The following SHROOM4 variants were observed in gnomAD, a reference collection of about 807,000 sequenced individuals.
SHROOM4 encodes the protein shroom family member 4, also known as protein Shroom4.
SHROOM4 carries 17 observed loss-of-function variants against 80.3 expected under a neutral mutation model. The observed-to-expected ratio is 0.21, with a 90% CI of 0.14 to 0.32. The LOEUF (loss-of-function observed/expected upper bound fraction) is 0.32, where lower values mean the gene tolerates loss of function less well. SHROOM4 is among the 10% of genes least tolerant of loss of function. The pLI, the probability that SHROOM4 is intolerant of heterozygous loss-of-function variation, is 1.00. For missense variants in SHROOM4, 993 were observed against 1,140.3 expected (o/e 0.87, Z 1.86); for synonymous variants, 400 against 437.5 (o/e 0.91, Z 1.07).
chrX:50,783,261 A>G (rs1935666143), intron 1 of SHROOM4, among the ~76,000 whole-genome samples: 1 of 112,004 alleles, frequency 8.9e-6, no homozygotes, highest in African/African-American at 3.2e-5. Flanking sequence ...TAAATCAAAC[A>G]TATTTCTACA....
intron 5 of SHROOM4, 32 bp from the exon 6 acceptor site, chrX:50,608,216 C>T (rs986946241): frequency 8.4e-7 from 1 of 1,194,445 alleles, no homozygotes; most frequent in Non-Finnish European, 1.1e-6. Flanking sequence ...CTGAGAAAAA[C>T]AAGCAAGTTG....
the SHROOM4 span, among the ~76,000 whole-genome samples, chrX:50,581,706 G>T: frequency 5.4e-5 from 6 of 111,884 alleles, no homozygotes; most frequent in East Asian, 1.4e-3. Context: ...AAGTTATTTA[G>T]ATAAACTCCT....
chrX:50,590,067 T>G lies in SHROOM4; in HGVS notation c.*6628A>C, dbSNP rs1432354645. Among the ~76,000 whole-genome samples the G allele has an allele frequency of 9.0e-6, 1 of 111,704 alleles. No individual in the cohort carries two copies. The highest frequency in any genetic ancestry group is 1.9e-5 in the Non-Finnish European group (1 of 53,157). On this transcript the variant is annotated 3_prime_UTR_variant, in exon 9 of 9. Coordinates refer to ENST00000376020, the MANE Select transcript of SHROOM4 (RefSeq NM_020717.5). ...TCTTTCCCTGTGCTTGCTAGCCAGT[T>G]GCATATTGCTATAAGCTGAATGTTT...
rs1319990349 is a variant in SHROOM4 at position 50,590,540 on chromosome X, G to A, written c.*6155C>T. 2.7e-5 allele frequency among the ~76,000 whole-genome samples: 3 copies of A among 110,912 alleles called. No homozygotes were observed. The highest frequency in any genetic ancestry group is 3.8e-5 in the Non-Finnish European group (2 of 52,908). ...GCTGGGATTACAGGCGTGAGCCACC[G>A]CGCCTGGCCGAGACCAGATCCCTTT... On this transcript the variant is annotated 3_prime_UTR_variant, in exon 9 of 9. Coordinates refer to ENST00000376020, the MANE Select transcript of SHROOM4 (RefSeq NM_020717.5).
intron 1 of SHROOM4, among the ~76,000 whole-genome samples, chrX:50,764,703 G>A (rs979720289): frequency 2.7e-5 from 3 of 111,896 alleles, no homozygotes; most frequent in African/African-American, 9.8e-5. Flanking sequence ...TCAATGGGGA[G>A]AGAATATGTT....
At chrX:50,805,177 T>G (rs1257451635) in intron 1 of SHROOM4, among the ~76,000 whole-genome samples, 2 of 111,602 alleles carry the variant, frequency 1.8e-5, no homozygotes, top group African/African-American at 6.5e-5. Context: ...TAAGTAAAGA[T>G]GGGGCTACAG....
chrX:50,806,673 A>G (rs1936233814), intron 1 of SHROOM4, among the ~76,000 whole-genome samples: 1 of 112,460 alleles, frequency 8.9e-6, no homozygotes, highest in African/African-American at 3.2e-5. Flanking sequence ...TGATCTTGAT[A>G]CCGACATAAC....
At chrX:50,651,771 C>T (rs1297660453) in intron 2 of SHROOM4, among the ~76,000 whole-genome samples, 1 of 107,976 alleles carries the variant, frequency 9.3e-6, no homozygotes, top group Non-Finnish European at 1.9e-5. Context: ...TGTGACATTC[C>T]CCTCCCAGTG....
At chrX:50,576,419 A>C in the SHROOM4 span, among the ~76,000 whole-genome samples, 1 of 111,574 alleles carries the variant, frequency 9.0e-6, no homozygotes, top group African/African-American at 3.3e-5. Flanking sequence ...GTCCCTAGCC[A>C]GTCCATCTTC....
chrX:50,723,716 C>T (rs1285136584), intron 1 of SHROOM4, among the ~76,000 whole-genome samples: 1 of 110,783 alleles, frequency 9.0e-6, no homozygotes, highest in African/African-American at 3.3e-5. Flanking sequence ...CCGTCCCCTT[C>T]TTAATCAATA....
chrX:50,686,688 G>C (rs1175657029), intron 2 of SHROOM4, among the ~76,000 whole-genome samples: 1 of 110,991 alleles, frequency 9.0e-6, no homozygotes, highest in African/African-American at 3.3e-5. Context: ...AGAGACATTA[G>C]TGTTCTTATC....
At chrX:50,670,340 G>A (rs111890784) in intron 2 of SHROOM4, among the ~76,000 whole-genome samples, 8,276 of 105,908 alleles carry the variant, frequency 0.078, 837 homozygotes, top group African/African-American at 0.27. Context: ...ACTCTCACTT[G>A]TGAGTGAGAA....
Position 50,731,228 on chromosome X carries a change from T to A in SHROOM4, c.118-35291A>T, listed in dbSNP as rs868914636. ...GAAGAAAATCCATAGAAATTTGGTTTAAAAAAAAAAAAGCAAGTCTGTGGT... is the reference window on the plus strand; with the variant it reads ...GAAGAAAATCCATAGAAATTTGGTTAAAAAAAAAAAAAGCAAGTCTGTGGT... On this transcript the variant is annotated intron_variant, in intron 1 of 8. Transcript: ENST00000376020. Among the ~76,000 whole-genome samples the A allele has an allele frequency of 6.9e-5, 7 of 101,180 alleles. No homozygotes were observed. In the East Asian group the frequency reaches 9.2e-4, roughly 13 times the overall value. The allele number at this position is 101,180 out of a possible 115,157, so 87.9% of individuals were successfully genotyped here.
At chrX:50,773,361 C>T (rs940851457) in intron 1 of SHROOM4, among the ~76,000 whole-genome samples, 18 of 111,918 alleles carry the variant, frequency 1.6e-4, no homozygotes, top group Non-Finnish European at 3.2e-4. Context: ...CTCCACTGTT[C>T]CCTTATTCAC....
Position 50,634,627 on chromosome X carries a change from G to A in SHROOM4, c.1446C>T (p.Asp482=). The stretch of plus-strand genomic sequence containing the variant: ...TCTGGTGTCCCAAAACTAAAGACCT[G>A]TCATCCACTTGTCTGGTCTTTCTTT... The part of the protein sequence containing the change: ...SKERKTRQVD[D]RSLVLGHQSQ... The change falls in exon 4 of 9, where the codon GAC becomes GAT. Residue 482 remains aspartate, a synonymous_variant. Transcript: ENST00000376020. The A allele has an allele frequency of 8.3e-7, 1 of 1,211,813 alleles. No individual in the cohort carries two copies. Among genetic ancestry groups the A allele is most frequent in the Non-Finnish European group, 1.1e-6 (1 of 895,566 alleles).
At chrX:50,648,853 C>A (rs1285083491) in intron 2 of SHROOM4, among the ~76,000 whole-genome samples, 2 of 112,222 alleles carry the variant, frequency 1.8e-5, no homozygotes, top group African/African-American at 6.5e-5. Context: ...GCCTTTACTT[C>A]ACATAATCCA....
At chrX:50,626,061 T>C (rs1314504951) in intron 5 of SHROOM4, among the ~76,000 whole-genome samples, 1 of 111,654 alleles carries the variant, frequency 9.0e-6, no homozygotes, top group East Asian at 2.8e-4. Context: ...ATTTTATAAA[T>C]AAGGGGGGAA....
rs1332147358 is a variant in SHROOM4 at position 50,607,597 on chromosome X, T to C, written c.3545A>G (p.Gln1182Arg). The change falls in exon 6 of 9, where the codon CAG (glutamine) becomes CGG (arginine). Residue 1182 changes from glutamine (Q) to arginine (R), a missense_variant. Coordinates refer to ENST00000376020, the MANE Select transcript of SHROOM4 (RefSeq NM_020717.5). ...CALNPEEVLE[Q>R]PQPLSFGHLE... ...GTGGCCAAAGCTGAGGGGTTGTGGC[T>C]GCTCTAGGACCTCCTCAGGATTGAG... 2 of 1,211,749 alleles carry C rather than the reference T, an allele frequency of 1.7e-6. No homozygotes were observed. Among genetic ancestry groups the C allele is most frequent in the East Asian group, 5.9e-5 (2 of 33,845 alleles).
chrX:50,754,563 T>C (rs1231250714), intron 1 of SHROOM4, among the ~76,000 whole-genome samples: 1 of 111,624 alleles, frequency 9.0e-6, no homozygotes, highest in African/African-American at 3.3e-5. Context: ...CTGTAAGGTA[T>C]GTGTTGTTCC....
Sources: allele counts gnomAD v4.1 joint callset (sites outside exome capture counted in the v4.1 genomes callset), GRCh38; gene constraint gnomAD v4.1.1; transcripts MANE v1.5; gene names NCBI Gene and HGNC (gene_info 2026-07-23, HGNC 2026-07-21).